The following NRXN1 variants were observed in gnomAD, a reference collection of about 807,000 sequenced individuals.
NRXN1 encodes the protein neurexin-1.
In NRXN1, 39 loss-of-function variants were observed where a neutral mutation model predicts 150.9. The observed-to-expected ratio is 0.26, with a 90% CI of 0.20 to 0.34. The LOEUF is 0.34. Ranked by LOEUF, NRXN1 falls within the 10% of genes least tolerant of loss-of-function variation. NRXN1 has a pLI of 1.00. For missense variants in NRXN1, 1,815 were observed against 1,949.9 expected, an observed-to-expected ratio of 0.93 and a Z score of 1.30; for synonymous variants, 924 against 757.0, an observed-to-expected ratio of 1.22 and a Z score of -3.62.
At chr2:50,629,870 T>C (rs139752972) in intron 5 of NRXN1, among the ~76,000 whole-genome samples, 26 of 151,772 alleles carry the variant, frequency 1.7e-4, no homozygotes, top group African/African-American at 6.3e-4. Context: ...AATATATATA[T>C]ACGCTGCTTG....
At chr2:50,492,325 C>T (rs567885994) in intron 15 of NRXN1, among the ~76,000 whole-genome samples, 21 of 152,198 alleles carry the variant, frequency 1.4e-4, no homozygotes, top group Non-Finnish European at 2.6e-4. Context: ...CCCTGAGAAT[C>T]GAGCGGTGTC....
At chr2:50,371,007 T>C (rs368130798) in intron 17 of NRXN1, among the ~76,000 whole-genome samples, 1 of 152,034 alleles carries the variant, frequency 6.6e-6, no homozygotes, top group South Asian at 2.1e-4. Flanking sequence ...CCTCCTCAAA[T>C]TCAATCAAAG....
intron 21 of NRXN1, among the ~76,000 whole-genome samples, chr2:50,004,168 G>A (rs557502218): frequency 2.0e-5 from 3 of 152,080 alleles, no homozygotes. Flanking sequence ...AAGTCTTGTA[G>A]TTATTTTAGG....
At chr2:50,069,937 A>AC (rs1405501231) in intron 19 of NRXN1, among the ~76,000 whole-genome samples, 1 of 143,212 alleles carries the variant, frequency 7.0e-6, no homozygotes, top group African/African-American at 2.6e-5. Flanking sequence ...TGCAAGCTCC[A>AC]CCTCCCGAGT....
chr2:50,413,599 C>A (rs145430369), intron 17 of NRXN1, among the ~76,000 whole-genome samples: 3 of 152,116 alleles, frequency 2.0e-5, no homozygotes, highest in Middle Eastern at 3.2e-3. Context: ...TAAATTAGTA[C>A]AACCACTATA....
intron 5 of NRXN1, among the ~76,000 whole-genome samples, chr2:50,742,458 A>C (rs1216418336): frequency 6.6e-6 from 1 of 151,822 alleles, no homozygotes; most frequent in Admixed American, 6.6e-5. Flanking sequence ...AATAACAAAA[A>C]TTAGCGGGGC....
chr2:51,021,109 A>G (rs541289050), intron 2 of NRXN1, among the ~76,000 whole-genome samples: 7 of 152,028 alleles, frequency 4.6e-5, no homozygotes, highest in Non-Finnish European at 1.0e-4. Flanking sequence ...GTACACAACA[A>G]AAAAAGTATA....
intron 2 of NRXN1, among the ~76,000 whole-genome samples, chr2:50,980,904 T>G (rs1407827282): frequency 1.3e-5 from 2 of 152,066 alleles, no homozygotes; most frequent in Non-Finnish European, 2.9e-5. Context: ...TAAATCTCAA[T>G]ATACCCTGCT....
At chr2:50,987,615 G>A (rs754975081) in intron 2 of NRXN1, among the ~76,000 whole-genome samples, 1 of 151,912 alleles carries the variant, frequency 6.6e-6, no homozygotes, top group Non-Finnish European at 1.5e-5. Flanking sequence ...GACCACTAAA[G>A]TATAACAACC....
intron 18 of NRXN1, among the ~76,000 whole-genome samples, chr2:50,212,046 TCC>T (rs1427131725): frequency 0.015 from 2,322 of 151,758 alleles, 166 homozygotes; most frequent in Admixed American, 0.12. Context: ...GCAAACTAAA[TCC>T]ACTATATATT....
intron 15 of NRXN1, among the ~76,000 whole-genome samples, chr2:50,494,381 C>T (rs549961100): frequency 6.6e-6 from 1 of 152,294 alleles, no homozygotes; most frequent in East Asian, 1.9e-4. Flanking sequence ...CAATCTCTCC[C>T]TTTCTTTTGA....
intron 21 of NRXN1, among the ~76,000 whole-genome samples, chr2:50,030,891 C>T (rs1689079231): frequency 6.6e-6 from 1 of 151,978 alleles, no homozygotes; most frequent in African/African-American, 2.4e-5. Context: ...TTTTTTCAGG[C>T]TCAAAATCCT....
intron 18 of NRXN1, among the ~76,000 whole-genome samples, chr2:50,199,904 A>G (rs1396178414): frequency 6.6e-6 from 1 of 152,162 alleles, no homozygotes; most frequent in Admixed American, 6.6e-5. Flanking sequence ...AAAATCAGAT[A>G]TATAGAACAC....
intron 17 of NRXN1, among the ~76,000 whole-genome samples, chr2:50,280,865 G>A (rs2071340687): frequency 6.6e-6 from 1 of 151,858 alleles, no homozygotes; most frequent in African/African-American, 2.4e-5. Context: ...GGTTGTTGTT[G>A]TTTTGTTTGT....
At chr2:50,421,670 T>C (rs770011877) in intron 17 of NRXN1, among the ~76,000 whole-genome samples, 6 of 152,160 alleles carry the variant, frequency 3.9e-5, no homozygotes, top group Non-Finnish European at 8.8e-5. Context: ...CAGGATGACA[T>C]CACCCATATG....
chr2:50,739,442 AT>A (rs944612815), intron 5 of NRXN1, among the ~76,000 whole-genome samples: 1 of 152,128 alleles, frequency 6.6e-6, no homozygotes, highest in African/African-American at 2.4e-5. Flanking sequence ...TTATGCATCA[AT>A]TTTTTACCTA....
At chr2:50,012,415 A>T (rs1018773843) in intron 21 of NRXN1, among the ~76,000 whole-genome samples, 4 of 152,154 alleles carry the variant, frequency 2.6e-5, no homozygotes, top group African/African-American at 9.6e-5. Flanking sequence ...TATAATTCAT[A>T]CAAAATATTA....
At chr2:50,652,464 T>A (rs1685783509) in intron 5 of NRXN1, among the ~76,000 whole-genome samples, 1 of 152,066 alleles carries the variant, frequency 6.6e-6, no homozygotes, top group Non-Finnish European at 1.5e-5. Flanking sequence ...TTTTGGACAA[T>A]TAATAGGGAA....
At chr2:50,676,411 T>C (rs537374626) in intron 5 of NRXN1, among the ~76,000 whole-genome samples, 1 of 152,210 alleles carries the variant, frequency 6.6e-6, no homozygotes, top group South Asian at 2.1e-4. Flanking sequence ...GAAGACAGAT[T>C]AGTGGTTAAG....
Sources: allele counts gnomAD v4.1 joint callset (sites outside exome capture counted in the v4.1 genomes callset), GRCh38; gene constraint gnomAD v4.1.1; transcripts MANE v1.5; gene names NCBI Gene and HGNC (gene_info 2026-07-23, HGNC 2026-07-21).